The following TRAF3IP2 variants were observed in gnomAD, a reference collection of about 807,000 sequenced individuals.
TRAF3IP2 encodes E3 ubiquitin ligase TRAF3IP2.
TRAF3IP2 carries 35 observed loss-of-function variants against 57.9 expected under a neutral mutation model. That is an observed-to-expected ratio of 0.60 (90% CI 0.46 to 0.80). The LOEUF (loss-of-function observed/expected upper bound fraction) is 0.80. TRAF3IP2 is among the 30% of genes least tolerant of loss of function. The pLI is 0.00. For synonymous variants in TRAF3IP2, 251 were observed against 268.9 expected, an observed-to-expected ratio of 0.93 and a Z score of 0.65; for missense variants, 556 against 706.4, an observed-to-expected ratio of 0.79 and a Z score of 2.41.
chr6:111,587,579 A>T (rs1317319225), intron 2 of TRAF3IP2, among the ~76,000 whole-genome samples: 2 of 152,110 alleles, frequency 1.3e-5, no homozygotes, highest in African/African-American at 4.8e-5. Flanking sequence ...AAAATCAACA[A>T]AAGTATATGA....
Position 111,591,195 on chromosome 6 carries a change from G to A in TRAF3IP2, c.829+63C>T, listed in dbSNP as rs1294245289. 3 of 1,310,536 alleles carry A rather than the reference G, an allele frequency of 2.3e-6. No individual in the cohort carries two copies. The highest frequency in any genetic ancestry group is 3.1e-6 in the Non-Finnish European group (3 of 973,048). 81.2% of individuals were successfully genotyped at this position (1,310,536 alleles called of 1,614,324 possible). On this transcript the variant is annotated intron_variant, in intron 2 of 8. Transcript: ENST00000368761. The surrounding 1 kb of genome is among the most constrained non-coding windows in gnomAD (Gnocchi z 4.9). ...CAGCCTAGTGACACGAAGCATTGAT[G>A]TGAGGCCCTTGTTTCTTCAGTCACC... is the stretch of plus-strand genomic sequence containing the variant.
At chr6:111,574,844 A>G (rs1795931829) in intron 4 of TRAF3IP2, 1 of 152,268 alleles carries the variant, frequency 6.6e-6, no homozygotes, top group African/African-American at 2.4e-5. Context: ...CAGAATCACT[A>G]AAAACATTCA....
intron 2 of TRAF3IP2, among the ~76,000 whole-genome samples, chr6:111,583,459 C>T (rs752736752): frequency 6.6e-6 from 1 of 152,144 alleles, no homozygotes; most frequent in African/African-American, 2.4e-5. Flanking sequence ...CTTGCATTAC[C>T]GCCTGAGCTC....
At chr6:111,581,996 T>C (rs1013155856) in intron 2 of TRAF3IP2, among the ~76,000 whole-genome samples, 4 of 152,096 alleles carry the variant, frequency 2.6e-5, no homozygotes, top group African/African-American at 7.2e-5. Context: ...AAAAAAGAAC[T>C]GTATTCTTAG....
In TRAF3IP2 at chr6:111,567,638, G is replaced by A. The variant is rs200246882; in HGVS notation, c.1345C>T (p.Arg449Cys). The change falls in exon 6 of 9, where the codon CGC (arginine) becomes TGC (cysteine). Residue 449 changes from arginine (R) to cysteine (C), a missense_variant. Coordinates refer to ENST00000368761, the MANE Select transcript of TRAF3IP2 (RefSeq NM_147686.4). The part of the protein sequence containing the change: ...RGIDIIKWME[R>C]YLRDKTVMII... ...AATGTACTTACATCCCTAAGGTAGC[G>A]CTCCATCCATTTAATGATATCAATG... 8.4e-5 allele frequency: 135 copies of A among 1,609,248 alleles called. No homozygotes were observed. The highest frequency in any genetic ancestry group is 1.1e-4 in the African/African-American group (8 of 74,860).
At position 111,591,943 on chromosome 6, in the gene TRAF3IP2, A is replaced by C. The variant is rs957334802; in HGVS notation, c.144T>G (p.Ser48=). Residue 48 remains serine (S), a synonymous_variant, in exon 2 of 9, where the codon TCT becomes TCG. Transcript: ENST00000368761. This position sits in a 1 kb window ranked among gnomAD's most constrained non-coding sequence, Gnocchi z 4.9. ...AGGAATTGTGAAGCATTGTGGGTGC[A>C]GACAAGCTGTTGGGTGCCATGTTCC... The part of the protein sequence containing the change: ...NIRNMAPNSL[S]APTMLHNSSG... The C allele has an allele frequency of 4.0e-5, 64 of 1,614,244 alleles. No homozygotes were observed. The highest frequency in any genetic ancestry group is 5.3e-5 in the Non-Finnish European group (62 of 1,180,046).
At chr6:111,594,551 A>T (rs1255483832) in intron 1 of TRAF3IP2, 1 of 449,632 alleles carries the variant, frequency 2.2e-6, no homozygotes, top group Admixed American at 2.5e-5. Flanking sequence ...CTTTAAAAAA[A>T]GTGATGAGGG....
Position 111,559,623 on chromosome 6 carries a change from C to T in TRAF3IP2, c.1552-72G>A, listed in dbSNP as rs1795361965. 4.5e-6 allele frequency: 7 copies of T among 1,547,178 alleles called. No homozygotes were observed. In the Admixed American group the frequency reaches 1.3e-4, roughly 29 times the overall value. On this transcript the variant is annotated intron_variant, in intron 8 of 8. Coordinates refer to ENST00000368761, the MANE Select transcript of TRAF3IP2 (RefSeq NM_147686.4). ...TGGATGCCAGATCCCAGGCTCAGTT[C>T]CCAAACATTTCTGGCTTTCCCTACA...
intron 1 of TRAF3IP2, among the ~76,000 whole-genome samples, chr6:111,593,028 A>G (rs911079285): frequency 2.6e-5 from 4 of 152,176 alleles, no homozygotes; most frequent in African/African-American, 9.7e-5. Flanking sequence ...ACCTAACACA[A>G]TGAGAAAGAA....
In TRAF3IP2 at chr6:111,558,620, A is replaced by AGAT. The variant is rs940857696; in HGVS notation, c.*782_*784dup. 2.0e-5 allele frequency: 3 copies of AGAT among 152,166 alleles called. No individual in the cohort carries two copies. Among genetic ancestry groups the AGAT allele is most frequent in the African/African-American group, 7.2e-5 (3 of 41,396 alleles). The allele number at this position is 152,166 out of a possible 1,614,324, so 9.4% of individuals were successfully genotyped here. A position where few individuals can be genotyped will look rare whatever the true frequency, so the allele number is the denominator to read the frequency against. The stretch of plus-strand genomic sequence containing the variant: ...GCTAACTTTTTTGTAATTTTAGCAG[A>AGAT]GATGGGGTTTCACCATGTTGGCCAG... On this transcript the variant is annotated 3_prime_UTR_variant, in exon 9 of 9. Coordinates refer to ENST00000368761, the MANE Select transcript of TRAF3IP2 (RefSeq NM_147686.4).
intron 1 of TRAF3IP2, among the ~76,000 whole-genome samples, chr6:111,604,428 C>A (rs1450137189): frequency 1.3e-5 from 2 of 152,240 alleles, no homozygotes. Context: ...GTAACTCTGG[C>A]TTCTGGAGCT....
chr6:111,581,989 A>G (rs1477972059), intron 2 of TRAF3IP2, among the ~76,000 whole-genome samples: 8 of 152,356 alleles, frequency 5.3e-5, no homozygotes, highest in African/African-American at 1.9e-4. Flanking sequence ...AAAACAAAAA[A>G]AAGAACTGTA....
rs1378960150 is a variant in TRAF3IP2 at position 111,603,297 on chromosome 6, A to G, written c.-9+2479T>C. ...AAGAAACAGGAGAGGCCCGGGGGGC[A>G]GCTTCTTGATTCCAGTCCTCAGACA... is the stretch of plus-strand genomic sequence containing the variant. On this transcript the variant is annotated intron_variant, in intron 1 of 8. Coordinates refer to ENST00000368761, the MANE Select transcript of TRAF3IP2 (RefSeq NM_147686.4). Among the ~76,000 whole-genome samples, 3 of 152,324 alleles carry G rather than the reference A, an allele frequency of 2.0e-5. No homozygotes were observed. The East Asian group carries it at 5.8e-4, about 29-fold the overall frequency.
At chr6:111,578,134 T>C (rs1278384415) in intron 3 of TRAF3IP2, among the ~76,000 whole-genome samples, 1 of 152,224 alleles carries the variant, frequency 6.6e-6, no homozygotes, top group South Asian at 2.1e-4. Flanking sequence ...TGCAACTCTT[T>C]TGTAAGTCTA....
chr6:111,569,794 A>G (rs773138982), intron 5 of TRAF3IP2, among the ~76,000 whole-genome samples: 1 of 152,140 alleles, frequency 6.6e-6, no homozygotes, highest in Non-Finnish European at 1.5e-5. Flanking sequence ...GATTATTGTT[A>G]TTATCCAAGC....
At chr6:111,578,740 A>G (rs761305001) in intron 3 of TRAF3IP2, among the ~76,000 whole-genome samples, 2 of 152,194 alleles carry the variant, frequency 1.3e-5, no homozygotes, top group African/African-American at 2.4e-5. Flanking sequence ...CCTCTTCACC[A>G]TTGTTAATAA....
At chr6:111,598,259 G>A (rs174398) in intron 1 of TRAF3IP2, 28,499 of 182,944 alleles carry the variant, frequency 0.16, 2,382 homozygotes, top group Middle Eastern at 0.21. Flanking sequence ...AGGGAAATGT[G>A]ATCTGTGCAA....
rs1253651832 is a variant in TRAF3IP2 at position 111,555,961 on chromosome 6, G to A, written c.*3444C>T. Among the ~76,000 whole-genome samples, 2 of 152,100 alleles carry A rather than the reference G, an allele frequency of 1.3e-5. No individual in the cohort carries two copies. The highest frequency in any genetic ancestry group is 6.5e-5 in the Admixed American group (1 of 15,270). ...TACTAAAAATACAAAAAATTAGCCG[G>A]GCATGGTGGCAGGTGCCTGTAGTCA... On this transcript the variant is annotated 3_prime_UTR_variant, in exon 9 of 9. Coordinates refer to ENST00000368761, the MANE Select transcript of TRAF3IP2 (RefSeq NM_147686.4).
chr6:111,583,004 G>T lies in TRAF3IP2; in HGVS notation c.830-2615C>A, dbSNP rs562792307. On this transcript the variant is annotated intron_variant, in intron 2 of 8. Transcript: ENST00000368761. Reference sequence around the variant, plus strand: ...AAATATCACCTGTCCAAAGAGTCCTGCCTCTTCACCCAGTTACTTTATCCC... The same window carrying T: ...AAATATCACCTGTCCAAAGAGTCCTTCCTCTTCACCCAGTTACTTTATCCC... 6.8e-4 allele frequency among the ~76,000 whole-genome samples: 103 copies of T among 152,306 alleles called. No individual in the cohort carries two copies. The South Asian group carries it at 7.1e-3, about 10-fold the overall frequency.
Sources: allele counts gnomAD v4.1 joint callset (sites outside exome capture counted in the v4.1 genomes callset), GRCh38; gene constraint gnomAD v4.1.1; non-coding constraint Gnocchi (gnomAD v3.1); transcripts MANE v1.5; gene names NCBI Gene and HGNC (gene_info 2026-07-23, HGNC 2026-07-21).